Variants in PNKD observed in about 807,000 individuals in gnomAD.
PNKD encodes the protein PNKD metallo-beta-lactamase domain containing.
In PNKD, 36 loss-of-function variants were observed where a neutral mutation model predicts 45.3. That is an observed-to-expected ratio of 0.80 (90% confidence interval 0.61 to 1.05). The LOEUF is 1.05. Among genes scored for constraint, PNKD ranks in the 50% least tolerant of loss-of-function variants. The pLI is 0.00. For missense variants in PNKD, 511 were observed against 506.6 expected (o/e 1.01, Z -0.08); for synonymous variants, 197 against 210.1 (o/e 0.94, Z 0.54).
intron 2 of PNKD, among the ~76,000 whole-genome samples, chr2:218,338,354 G>A (rs1694562219): frequency 6.7e-6 from 1 of 148,540 alleles, no homozygotes; most frequent in African/African-American, 2.5e-5. Flanking sequence ...CCAGCTACTC[G>A]GGAGGCTGAG....
chr2:218,289,535 G>A (rs1015714523), intron 2 of PNKD, among the ~76,000 whole-genome samples: 1 of 149,848 alleles, frequency 6.7e-6, no homozygotes, highest in Non-Finnish European at 1.5e-5. Context: ...CCAGCTTCTC[G>A]GGAGGCTGAG....
chr2:218,338,529 G>A (rs1189097001), intron 2 of PNKD, among the ~76,000 whole-genome samples: 3 of 151,696 alleles, frequency 2.0e-5, no homozygotes, highest in Non-Finnish European at 2.9e-5. Context: ...CACTTTGGGA[G>A]GCCAAGGCAG....
At chr2:218,287,525 T>C (rs1356152426) in intron 2 of PNKD, among the ~76,000 whole-genome samples, 1 of 152,066 alleles carries the variant, frequency 6.6e-6, no homozygotes, top group Non-Finnish European at 1.5e-5. Flanking sequence ...GTGGCCAACA[T>C]GGTCAAACCC....
At chr2:218,294,836 A>C (rs369312171) in intron 2 of PNKD, among the ~76,000 whole-genome samples, 1 of 152,294 alleles carries the variant, frequency 6.6e-6, no homozygotes, top group Admixed American at 6.5e-5. Flanking sequence ...TTCATGACCT[A>C]ATCACTTCCT....
At chr2:218,324,051 ACT>A (rs1402807898) in intron 2 of PNKD, among the ~76,000 whole-genome samples, 8 of 151,462 alleles carry the variant, frequency 5.3e-5, no homozygotes, top group African/African-American at 1.7e-4. Context: ...GACCCAACTG[ACT>A]CTGCCCACTT....
At chr2:218,278,647 C>T in intron 2 of PNKD, 1 of 1,488,024 alleles carries the variant, frequency 6.7e-7, no homozygotes, top group Non-Finnish European at 9.4e-7. Flanking sequence ...GATTTGGGGC[C>T]CAAATAGCCG....
intron 2 of PNKD, among the ~76,000 whole-genome samples, chr2:218,311,579 T>C (rs970166628): frequency 2.0e-5 from 3 of 152,214 alleles, no homozygotes; most frequent in African/African-American, 7.2e-5. Flanking sequence ...TGTTTCTCTT[T>C]ACCCAAACAT....
At chr2:218,276,874 G>A (rs1691269401) in intron 2 of PNKD, 1 of 721,844 alleles carries the variant, frequency 1.4e-6, no homozygotes, top group Non-Finnish European at 2.4e-6. Flanking sequence ...TGGTGCCTTT[G>A]CTAGCCAGTC....
chr2:218,341,952 C>G, intron 6 of PNKD, 29 bp from the exon 7 acceptor site: 1 of 1,582,438 alleles, frequency 6.3e-7, no homozygotes, highest in Non-Finnish European at 8.7e-7. Context: ...GATCCAATAC[C>G]TTCTGTCCCC....
At chr2:218,277,304 G>A (rs2106191754) in intron 2 of PNKD, 1 of 1,483,002 alleles carries the variant, frequency 6.7e-7, no homozygotes, top group Non-Finnish European at 9.4e-7. Flanking sequence ...TAGTGTGCCG[G>A]GGTCCGGGCC....
At chr2:218,297,336 T>C (rs1378449350) in intron 2 of PNKD, among the ~76,000 whole-genome samples, 3 of 152,242 alleles carry the variant, frequency 2.0e-5, no homozygotes, top group Admixed American at 1.3e-4. Context: ...TGAAGTTTTG[T>C]TCCAGCTTTG....
intron 2 of PNKD, chr2:218,290,058 G>A (rs992157): frequency 0.47 from 71,207 of 151,978 alleles, 18,603 homozygotes; most frequent in South Asian, 0.63. Flanking sequence ...GAAAGGAGTA[G>A]GGACTTGTTT....
At chr2:218,272,991 G>A (rs962496516) in intron 2 of PNKD, 6 of 1,321,434 alleles carry the variant, frequency 4.5e-6, no homozygotes, top group African/African-American at 1.5e-5. Flanking sequence ...AGGGGCAGAG[G>A]GTGGGGCTGG....
chr2:218,277,565 C>T (rs1052873586), intron 2 of PNKD: 21 of 1,610,160 alleles, frequency 1.3e-5, no homozygotes, highest in African/African-American at 9.4e-5. Context: ...AGCTGGCTGC[C>T]GGCCCAGGAA....
At chr2:218,335,380 C>G (rs910170695) in intron 2 of PNKD, among the ~76,000 whole-genome samples, 2 of 151,852 alleles carry the variant, frequency 1.3e-5, no homozygotes, top group African/African-American at 4.8e-5. Context: ...ACTTGGGAGG[C>G]TGAGGCAGGA....
At chr2:218,322,802 T>C (rs1694023317) in intron 2 of PNKD, among the ~76,000 whole-genome samples, 1 of 152,256 alleles carries the variant, frequency 6.6e-6, no homozygotes, top group South Asian at 2.1e-4. Context: ...CCTCAGAGCC[T>C]GGCAGAGTGC....
chr2:218,290,358 G>A (rs145053271), intron 2 of PNKD, among the ~76,000 whole-genome samples: 300 of 152,274 alleles, frequency 2.0e-3, no homozygotes, highest in African/African-American at 6.7e-3. Context: ...TGCTGACCCA[G>A]GCCACCTTTG....
intron 2 of PNKD, among the ~76,000 whole-genome samples, chr2:218,324,894 C>T (rs1000000147): frequency 1.5e-4 from 23 of 151,036 alleles, no homozygotes; most frequent in African/African-American, 4.9e-4. Flanking sequence ...GAGATCGCAG[C>T]CATTGCACTC....
chr2:218,284,984 G>A (rs1441449253), intron 2 of PNKD, among the ~76,000 whole-genome samples: 1 of 152,154 alleles, frequency 6.6e-6, no homozygotes, highest in Non-Finnish European at 1.5e-5. Context: ...CAGTTACTCG[G>A]GAGGCTGAGG....
Sources: allele counts gnomAD v4.1 joint callset (sites outside exome capture counted in the v4.1 genomes callset), GRCh38; gene constraint gnomAD v4.1.1; transcripts MANE v1.5; gene names NCBI Gene and HGNC (gene_info 2026-07-23, HGNC 2026-07-21).